Variants in TAS1R2 observed in about 807,000 individuals in gnomAD.
TAS1R2 encodes taste receptor type 1 member 2.
Under a neutral mutation model 49.3 loss-of-function variants are expected in TAS1R2, and 47 were observed. The observed-to-expected ratio is 0.95, with a 90% CI of 0.75 to 1.22. The LOEUF is 1.22. Ranked by LOEUF, TAS1R2 falls within the 50% of genes most tolerant of loss-of-function variation. TAS1R2 has a pLI of 0.00. For synonymous variants in TAS1R2, 479 were observed against 467.9 expected (o/e 1.02, Z -0.31); for missense variants, 1,155 against 1,122.1 (o/e 1.03, Z -0.42).
At chr1:18,852,119 C>G (rs1934039824) in intron 3 of TAS1R2, among the ~76,000 whole-genome samples, 1 of 152,218 alleles carries the variant, frequency 6.6e-6, no homozygotes, top group African/African-American at 2.4e-5. Flanking sequence ...GGTCCCTGCT[C>G]TCACTGGCCT....
exon 2 of TAS1R2, chr1:18,857,532 C>T (rs759917340): frequency 6.2e-7 from 1 of 1,614,172 alleles, no homozygotes; most frequent in Non-Finnish European, 8.5e-7. Flanking sequence ...TCTCATAGCC[C>T]AGCAGCACAC....
chr1:18,854,809 G>A lies in TAS1R2; in HGVS notation c.661C>T (p.Gln221Ter), dbSNP rs1934106450. ...CGGGCCACGCGCTCGCCAAGCAGCT[G>A]GCCATTGTCGCGGCCATAGGTGTCG... The change falls in exon 3 of 6, where the codon CAG (glutamine) becomes TAG (stop). Residue 221 changes from glutamine to a stop codon, truncating the protein, a stop_gained. Coordinates refer to ENST00000375371, the Ensembl canonical transcript of TAS1R2. LOFTEE classifies it high-confidence loss of function. This position sits in a 1 kb window ranked among gnomAD's most constrained non-coding sequence, Gnocchi z 4.9. 6.2e-7 allele frequency: 1 copy of A among 1,606,640 alleles called. No homozygotes were observed. The highest frequency in any genetic ancestry group is 1.7e-5 in the Admixed American group (1 of 59,684).
intron 1 of TAS1R2, chr1:18,858,527 T>C (rs1049216125): frequency 6.6e-6 from 1 of 150,858 alleles, no homozygotes; most frequent in Non-Finnish European, 1.5e-5. Context: ...GCACCATCAC[T>C]GCCAACACTA....
chr1:18,840,639 A>G, intron 5 of TAS1R2, 112 bp from the exon 6 acceptor site: 1 of 1,106,734 alleles, frequency 9.0e-7, no homozygotes, highest in Non-Finnish European at 1.3e-6. Context: ...ACCAAGGGCA[A>G]CCCTTGCATT....
chr1:18,852,645 G>A (rs2100518920), intron 3 of TAS1R2, among the ~76,000 whole-genome samples: 1 of 152,214 alleles, frequency 6.6e-6, no homozygotes, highest in Non-Finnish European at 1.5e-5. Context: ...CTCTCCTTCG[G>A]GGCACTAGAT....
At chr1:18,841,673 GGCA>G in intron 5 of TAS1R2, 53 bp downstream of exon 5, 1 of 1,578,096 alleles carries the variant, frequency 6.3e-7, no homozygotes, top group Non-Finnish European at 8.6e-7. Flanking sequence ...AGACTCCAGG[GGCA>G]GGGCAGGGGC....
At position 18,841,995 on chromosome 1, in the gene TAS1R2, A is replaced by C. The variant is rs1009380863; in HGVS notation, c.1468-143T>G. On this transcript the variant is annotated intron_variant, in intron 4 of 5. Transcript: ENST00000375371. ...GGGTGGAAACTGTAGAAAAAAAAAA[A>C]AAAACTCTCATGCTTCTAGCAGGGG... 4 of 1,003,584 alleles carry C rather than the reference A, an allele frequency of 4.0e-6. No homozygotes were observed. The African/African-American group carries it at 6.5e-5, about 16-fold the overall frequency. The allele number at this position is 1,003,584 out of a possible 1,614,324, so 62.2% of individuals were successfully genotyped here.
At chr1:18,850,242 G>C (rs1479257237) in intron 3 of TAS1R2, among the ~76,000 whole-genome samples, 6 of 152,222 alleles carry the variant, frequency 3.9e-5, no homozygotes, top group East Asian at 1.9e-4. Flanking sequence ...GTGTGACTCT[G>C]AGCAAGTTTC....
In TAS1R2 at chr1:18,841,954, A is replaced by C. The variant is rs1933838250; in HGVS notation, c.1468-102T>G. ...GGATGTTCAGGGGAGGAAGCCTAGA[A>C]GCCCCCTAGGTTTTGGGGTGGAAAC... On this transcript the variant is annotated intron_variant, in intron 4 of 5. Transcript: ENST00000375371. 2.5e-6 allele frequency: 3 copies of C among 1,209,056 alleles called. No homozygotes were observed. In the Admixed American group the frequency reaches 7.8e-5, roughly 31 times the overall value. The allele number at this position is 1,209,056 out of a possible 1,614,324, so 74.9% of individuals were successfully genotyped here.
chr1:18,847,486 G>A (rs925017429), intron 4 of TAS1R2, among the ~76,000 whole-genome samples: 5 of 152,154 alleles, frequency 3.3e-5, no homozygotes, highest in African/African-American at 1.2e-4. Context: ...ACAGCATCAG[G>A]TACCTCTGCA....
intron 4 of TAS1R2, among the ~76,000 whole-genome samples, chr1:18,847,161 C>T (rs929269792): frequency 4.6e-5 from 7 of 152,164 alleles, no homozygotes; most frequent in African/African-American, 1.2e-4. Context: ...TCTGGCATTT[C>T]TTTGTAACAA....
intron 4 of TAS1R2, among the ~76,000 whole-genome samples, chr1:18,848,972 A>T (rs1933971195): frequency 1.3e-5 from 2 of 152,204 alleles, no homozygotes; most frequent in African/African-American, 4.8e-5. Context: ...TCCTCCTCCC[A>T]GTCTGTGGAA....
In TAS1R2 at chr1:18,839,823, T is replaced by G. The variant is rs374989400; in HGVS notation, c.2296A>C (p.Met766Leu). 48 of 1,614,084 alleles carry G rather than the reference T, an allele frequency of 3.0e-5. No homozygotes were observed. Among genetic ancestry groups the G allele is most frequent in the Non-Finnish European group, 3.6e-5 (43 of 1,180,040 alleles). Residue 766 changes from methionine (M) to leucine (L), a missense_variant, in exon 6 of 6, where the codon ATG (methionine) becomes CTG (leucine). Coordinates refer to ENST00000375371, the Ensembl canonical transcript of TAS1R2. Reference sequence around the variant, plus strand: ...ACGGATGAGGTGAAATAGAAGGTCATGCTGAGGGTGATGAACTTGGCCTCG... The same window carrying G: ...ACGGATGAGGTGAAATAGAAGGTCAGGCTGAGGGTGATGAACTTGGCCTCG...
chr1:18,845,997 C>T (rs113888718), intron 4 of TAS1R2, among the ~76,000 whole-genome samples: 7,588 of 152,210 alleles, frequency 0.05, 522 homozygotes, highest in African/African-American at 0.15. Context: ...CTGGCGGCTG[C>T]TCTAAAAAGT....
chr1:18,854,106 G>T lies in TAS1R2; in HGVS notation c.1257+107C>A. 3 of 1,116,498 alleles carry T rather than the reference G, an allele frequency of 2.7e-6. No homozygotes were observed. Among genetic ancestry groups the T allele is most frequent in the Non-Finnish European group, 3.8e-6 (3 of 791,140 alleles). The allele number at this position is 1,116,498 out of a possible 1,614,324, so 69.2% of individuals were successfully genotyped here. Reference sequence around the variant, plus strand: ...TGGCACCAGGAAGGACTAGTGCTATGTGTCTGGAAGAATGGGATACTCATG... The same window carrying T: ...TGGCACCAGGAAGGACTAGTGCTATTTGTCTGGAAGAATGGGATACTCATG... On this transcript the variant is annotated intron_variant, in intron 3 of 5. Coordinates refer to ENST00000375371, the Ensembl canonical transcript of TAS1R2. This position sits in a 1 kb window ranked among gnomAD's most constrained non-coding sequence, Gnocchi z 4.9.
rs1934081226 is a variant in TAS1R2 at position 18,854,130 on chromosome 1, T to C, written c.1257+83A>G. 1.5e-6 allele frequency: 2 copies of C among 1,344,690 alleles called. No individual in the cohort carries two copies. Among genetic ancestry groups the C allele is most frequent in the South Asian group, 2.8e-5 (2 of 72,368 alleles). The allele number at this position is 1,344,690 out of a possible 1,614,324, so 83.3% of individuals were successfully genotyped here. ...TGTGTCTGGAAGAATGGGATACTCA[T>C]GCCCTTTCACACCCATTTGCCCAGA... On this transcript the variant is annotated intron_variant, in intron 3 of 5. Transcript: ENST00000375371. The surrounding 1 kb of genome is among the most constrained non-coding windows in gnomAD (Gnocchi z 4.9).
chr1:18,849,239 G>A (rs1330798821), intron 4 of TAS1R2, 102 bp downstream of exon 4: 2 of 1,216,768 alleles, frequency 1.6e-6, no homozygotes, highest in Non-Finnish European at 2.3e-6. Context: ...GATTGATAAA[G>A]CATCTCCAGG....
exon 4 of TAS1R2, chr1:18,849,466 A>T: frequency 6.2e-7 from 1 of 1,614,246 alleles, no homozygotes; most frequent in South Asian, 1.1e-5. Context: ...ACAATCTCCA[A>T]GTGCAGAGCC....
At chr1:18,855,971 G>C (rs1169607579) in intron 2 of TAS1R2, among the ~76,000 whole-genome samples, 1 of 152,128 alleles carries the variant, frequency 6.6e-6, no homozygotes, top group South Asian at 2.1e-4. Flanking sequence ...GGCCTGCACT[G>C]CAACATTACC....
Sources: gnomAD v4.1 joint callset for allele counts (sites outside exome capture counted in the v4.1 genomes callset) on GRCh38, gnomAD v4.1.1 for gene constraint, Gnocchi (gnomAD v3.1) non-coding constraint, MANE v1.5 for transcripts, NCBI Gene and HGNC (gene_info 2026-07-23, HGNC 2026-07-21) for gene names.